AP3B1: variants seen among roughly 807,000 people sequenced by gnomAD.
AP3B1 encodes the protein AP-3 complex subunit beta-1.
Under a neutral mutation model 132.5 loss-of-function variants are expected in AP3B1, and 61 were observed. The ratio of observed to expected loss-of-function variants is 0.46; its 90% CI spans 0.37 to 0.57. The LOEUF (loss-of-function observed/expected upper bound fraction) is 0.57. Ranked by LOEUF, AP3B1 falls within the 20% of genes least tolerant of loss-of-function variation. The probability of loss-of-function intolerance (pLI) is 0.00; values close to 1 mark genes in which losing one functional copy is unlikely to be tolerated. For missense variants in AP3B1, 1,120 were observed against 1,289.4 expected (o/e 0.87, Z 2.01); for synonymous variants, 388 against 438.3 (o/e 0.89, Z 1.43).
In AP3B1 at chr5:78,030,427, T is replaced by C. The variant is rs577463532; in HGVS notation, c.2894+3934A>G. Among the ~76,000 whole-genome samples, 11 of 152,352 alleles carry C rather than the reference T, an allele frequency of 7.2e-5. 1 individual carries two copies. In the East Asian group the frequency reaches 1.9e-3, roughly 27 times the overall value. On this transcript the variant is annotated intron_variant, in intron 24 of 26. Transcript: ENST00000255194. ...AAATGACTATTTGGTATCTTCAAAA[T>C]TTTAAAGGTCATTTCCTTTACCTTC...
intron 7 of AP3B1, among the ~76,000 whole-genome samples, chr5:78,205,865 T>G (rs1271489824): frequency 6.6e-5 from 10 of 152,286 alleles, no homozygotes; most frequent in Non-Finnish European, 1.2e-4. Context: ...AAAAAAATTT[T>G]TTTTTTTCAG....
At chr5:78,099,837 C>T (rs1002545988) in intron 21 of AP3B1, among the ~76,000 whole-genome samples, 1 of 149,820 alleles carries the variant, frequency 6.7e-6, no homozygotes, top group Admixed American at 6.8e-5. Context: ...TGCAGTGAGC[C>T]GAGGTAGTGC....
intron 22 of AP3B1, among the ~76,000 whole-genome samples, chr5:78,083,119 G>A (rs867630130): frequency 4.6e-5 from 7 of 152,126 alleles, no homozygotes; most frequent in South Asian, 2.1e-4. Context: ...GCCCGGCCAC[G>A]TTGAGAACCT....
At chr5:78,252,424 T>G (rs1747677502) in intron 2 of AP3B1, among the ~76,000 whole-genome samples, 1 of 152,212 alleles carries the variant, frequency 6.6e-6, no homozygotes, top group Non-Finnish European at 1.5e-5. Context: ...ACAGCATTTC[T>G]GGACATGTCC....
At chr5:78,105,748 T>C (rs1051227576) in intron 20 of AP3B1, among the ~76,000 whole-genome samples, 1 of 152,304 alleles carries the variant, frequency 6.6e-6, no homozygotes, top group East Asian at 1.9e-4. Flanking sequence ...TCAATCAACA[T>C]AATTATAACT....
chr5:78,289,711 C>T (rs1749429949), intron 1 of AP3B1, among the ~76,000 whole-genome samples: 1 of 152,132 alleles, frequency 6.6e-6, no homozygotes. Context: ...TGTTTTCCCA[C>T]CCTTCTGAGC....
intron 7 of AP3B1, among the ~76,000 whole-genome samples, chr5:78,190,931 C>T (rs1341323509): frequency 6.6e-6 from 1 of 152,132 alleles, no homozygotes; most frequent in African/African-American, 2.4e-5. Context: ...GAAGTTGCCT[C>T]ATACTTGAGG....
chr5:78,155,064 ACAG>A (rs1743091683), intron 14 of AP3B1, among the ~76,000 whole-genome samples: 1 of 152,144 alleles, frequency 6.6e-6, no homozygotes, highest in Non-Finnish European at 1.5e-5. Flanking sequence ...TGTAGTCTTC[ACAG>A]TCTGGGCTTG....
At chr5:78,039,825 G>A (rs1375475891) in intron 22 of AP3B1, among the ~76,000 whole-genome samples, 1 of 147,070 alleles carries the variant, frequency 6.8e-6, no homozygotes, top group Admixed American at 6.8e-5. Context: ...AAATTTTTCT[G>A]TAACCTCCAA....
intron 7 of AP3B1, among the ~76,000 whole-genome samples, chr5:78,189,885 A>C (rs945503781): frequency 4.0e-5 from 4 of 100,984 alleles, no homozygotes; most frequent in South Asian, 2.8e-4. Flanking sequence ...AAATAAAATA[A>C]AATAAAATAA....
At chr5:78,094,916 G>C (rs1482268890) in intron 21 of AP3B1, among the ~76,000 whole-genome samples, 2 of 152,030 alleles carry the variant, frequency 1.3e-5, no homozygotes, top group Non-Finnish European at 2.9e-5. Flanking sequence ...CTTGGCCTCA[G>C]GTGATCTGCC....
At chr5:78,097,641 T>C (rs1432940491) in intron 21 of AP3B1, among the ~76,000 whole-genome samples, 5 of 131,912 alleles carry the variant, frequency 3.8e-5, no homozygotes, top group Non-Finnish European at 6.6e-5. Flanking sequence ...AGCCGCCCCG[T>C]CCGGGAGGGA....
intron 22 of AP3B1, among the ~76,000 whole-genome samples, chr5:78,052,861 T>A (rs541437834): frequency 6.6e-6 from 1 of 152,246 alleles, no homozygotes; most frequent in Admixed American, 6.5e-5. Context: ...AATACTGATA[T>A]GTTATACTAT....
At chr5:78,110,684 CTGTGTGTGTGTGTG>C (rs144921350) in intron 19 of AP3B1, among the ~76,000 whole-genome samples, 2 of 143,486 alleles carry the variant, frequency 1.4e-5, no homozygotes, top group Non-Finnish European at 1.5e-5. Flanking sequence ...AATACTGTGC[CTGTGTGTGTGTGTG>C]TGTGTGTGTG....
intron 3 of AP3B1, among the ~76,000 whole-genome samples, chr5:78,233,072 G>A (rs1353536272): frequency 6.6e-6 from 1 of 151,934 alleles, no homozygotes; most frequent in Non-Finnish European, 1.5e-5. Context: ...TAACATCAGT[G>A]CATTATTTAT....
At chr5:78,142,648 T>C (rs924303363) in intron 14 of AP3B1, among the ~76,000 whole-genome samples, 1 of 152,102 alleles carries the variant, frequency 6.6e-6, no homozygotes, top group Admixed American at 6.6e-5. Context: ...TAAGTTACAA[T>C]ATTGAGTCCT....
intron 7 of AP3B1, among the ~76,000 whole-genome samples, chr5:78,193,770 A>ATATATATATATATATTTTTTTTTT: frequency 1.9e-4 from 13 of 67,196 alleles, no homozygotes; most frequent in Non-Finnish European, 3.5e-4. Context: ...ATATATATAT[A>ATATATATATATATATTTTTTTTTT]TTTTTTTTTT....
chr5:78,048,165 T>C (rs973175625), intron 22 of AP3B1, among the ~76,000 whole-genome samples: 2 of 152,258 alleles, frequency 1.3e-5, no homozygotes, highest in Non-Finnish European at 2.9e-5. Flanking sequence ...TGAAAATCCA[T>C]GTTATGACTT....
At position 78,169,999 on chromosome 5, in the gene AP3B1, A is replaced by G. The variant is rs1290740440; in HGVS notation, c.1168-4327T>C. ...TCACTTCCCACCTATGAGTGAAAAC[A>G]TGCAATATTTGGTTTTCTGTCCTTG... On this transcript the variant is annotated intron_variant, in intron 11 of 26. Transcript: ENST00000255194. Among the ~76,000 whole-genome samples the G allele has an allele frequency of 2.0e-5, 3 of 152,140 alleles. No homozygotes were observed. The East Asian group carries it at 5.8e-4, about 29-fold the overall frequency.
Sources: allele counts gnomAD v4.1 joint callset (sites outside exome capture counted in the v4.1 genomes callset), GRCh38; gene constraint gnomAD v4.1.1; transcripts MANE v1.5; gene names NCBI Gene and HGNC (gene_info 2026-07-23, HGNC 2026-07-21).